Variants in FARP2 observed in about 807,000 individuals in gnomAD.
The protein encoded by FARP2 is FERM, ARH/RhoGEF and pleckstrin domain protein 2, also known as FERM, ARHGEF and pleckstrin domain-containing protein 2.
A neutral mutation model predicts 130.5 loss-of-function variants in FARP2; 111 were observed. That is an observed-to-expected ratio of 0.85 (90% CI 0.73 to 1.00). FARP2 has a LOEUF of 1.00. Among genes scored for constraint, FARP2 ranks in the 50% least tolerant of loss-of-function variants. The pLI, the probability that FARP2 is intolerant of heterozygous loss-of-function variation, is 0.00. For missense variants in FARP2, 1,385 were observed against 1,346.3 expected (o/e 1.03, Z -0.45); for synonymous variants, 504 against 516.9 (o/e 0.98, Z 0.34).
chr2:241,382,687 ATGT>A (rs1427851800), intron 2 of FARP2, among the ~76,000 whole-genome samples: 3 of 152,200 alleles, frequency 2.0e-5, no homozygotes, highest in Admixed American at 1.3e-4. Flanking sequence ...TCTTTGATAC[ATGT>A]TGTGAAATTG....
At chr2:241,452,721 A>C (rs890293504) in intron 13 of FARP2, among the ~76,000 whole-genome samples, 3 of 152,056 alleles carry the variant, frequency 2.0e-5, no homozygotes, top group South Asian at 2.1e-4. Flanking sequence ...CAAGTGGAGC[A>C]CCTGAAGTCA....
intron 5 of FARP2, 87 bp from the exon 6 acceptor site, chr2:241,410,946 T>C (rs2062501804): frequency 1.1e-6 from 1 of 935,860 alleles, no homozygotes; most frequent in South Asian, 1.4e-5. Flanking sequence ...CCAGGGCTCA[T>C]TTGCTGTCTT....
At chr2:241,378,944 T>C (rs1290906942) in intron 2 of FARP2, among the ~76,000 whole-genome samples, 1 of 152,252 alleles carries the variant, frequency 6.6e-6, no homozygotes, top group African/African-American at 2.4e-5. Flanking sequence ...CATAGAAATC[T>C]GGCCTCAGCT....
intron 1 of FARP2, among the ~76,000 whole-genome samples, chr2:241,368,225 T>C (rs1188734138): frequency 6.6e-6 from 1 of 152,138 alleles, no homozygotes. Flanking sequence ...CAGAAATGTT[T>C]TTAGGAATGA....
chr2:241,385,894 A>G (rs911300428), intron 2 of FARP2, among the ~76,000 whole-genome samples: 8 of 152,212 alleles, frequency 5.3e-5, no homozygotes, highest in African/African-American at 1.4e-4. Context: ...TTTTGATTAC[A>G]TAAGTACTGA....
chr2:241,471,645 C>A (rs2064311701), intron 18 of FARP2, among the ~76,000 whole-genome samples: 1 of 151,844 alleles, frequency 6.6e-6, no homozygotes, highest in Non-Finnish European at 1.5e-5. Context: ...AGGCGCCCGA[C>A]ACCACGCCTG....
At chr2:241,382,637 A>C (rs1262091286) in intron 2 of FARP2, among the ~76,000 whole-genome samples, 3 of 152,214 alleles carry the variant, frequency 2.0e-5, no homozygotes, top group Non-Finnish European at 4.4e-5. Flanking sequence ...AACGTATAGA[A>C]GTGGAGGTTC....
rs1182371596 is a variant in FARP2, at chr2:241,466,700, C to T, written c.1894-1440C>T. ...CTCCCCTTCCAACCACCCCCCCCCC[C>T]ACCACCACCACCCGTACCCTCCTAG... is the stretch of plus-strand genomic sequence containing the variant. On this transcript the variant is annotated intron_variant, in intron 17 of 26. Transcript: ENST00000264042. 2.6e-4 allele frequency: 150 copies of T among 586,288 alleles called. 2 individuals are homozygous for T. Among genetic ancestry groups the T allele is most frequent in the African/African-American group, 2.3e-3 (111 of 47,906 alleles). 36.3% of individuals were successfully genotyped at this position (586,288 alleles called of 1,614,324 possible). A position where few individuals can be genotyped will look rare whatever the true frequency, so the allele number is the denominator to read the frequency against.
intron 2 of FARP2, among the ~76,000 whole-genome samples, chr2:241,381,812 G>A (rs111233874): frequency 1.8e-4 from 27 of 152,290 alleles, no homozygotes; most frequent in African/African-American, 6.5e-4. Flanking sequence ...GTTCACAGTG[G>A]TTTAACACTT....
chr2:241,463,292 C>T, intron 15 of FARP2, 43 bp from the exon 16 acceptor site: 2 of 1,598,708 alleles, frequency 1.3e-6, no homozygotes, highest in Non-Finnish European at 1.7e-6. Context: ...TCTCAGTCCC[C>T]AACAAGAGCC....
At chr2:241,386,344 C>T (rs1467213885) in intron 2 of FARP2, among the ~76,000 whole-genome samples, 5 of 152,176 alleles carry the variant, frequency 3.3e-5, no homozygotes, top group South Asian at 2.1e-4. Flanking sequence ...AGTGATCCTC[C>T]GGCCTGATTC....
intron 13 of FARP2, 75 bp downstream of exon 13, chr2:241,441,631 C>T (rs576368630): frequency 6.2e-7 from 1 of 1,602,084 alleles, no homozygotes; most frequent in Non-Finnish European, 8.5e-7. Context: ...TGCCTTAGAC[C>T]TAGACACAGG....
chr2:241,410,642 C>T (rs1252996572), intron 5 of FARP2, among the ~76,000 whole-genome samples: 1 of 152,098 alleles, frequency 6.6e-6, no homozygotes, highest in Non-Finnish European at 1.5e-5. Flanking sequence ...GTTGGTCAGG[C>T]TGGTCTCGAA....
At chr2:241,451,638 G>A (rs879854267) in intron 13 of FARP2, among the ~76,000 whole-genome samples, 4 of 152,188 alleles carry the variant, frequency 2.6e-5, no homozygotes, top group East Asian at 1.9e-4. Context: ...AGATGACCTC[G>A]GATTTAGAGT....
intron 12 of FARP2, 88 bp downstream of exon 12, chr2:241,436,626 T>A: frequency 1.9e-6 from 2 of 1,050,510 alleles, no homozygotes; most frequent in Non-Finnish European, 3.0e-6. Context: ...ACAAGAGTCT[T>A]AAAATTAATC....
chr2:241,440,615 A>T (rs2063357171), intron 12 of FARP2, among the ~76,000 whole-genome samples: 2 of 152,144 alleles, frequency 1.3e-5, no homozygotes, highest in South Asian at 4.1e-4. Flanking sequence ...CCTTACATGT[A>T]TGAGTGGATT....
At position 241,453,768 on chromosome 2, in the gene FARP2, G is replaced by GTTTTTTTTTTTTTTTTTTTTTT. The variant is rs1559786201; in HGVS notation, c.1412-2979_1412-2978insTTTTTTTTTTTTTTTTTTTTTT. 6.0e-5 allele frequency among the ~76,000 whole-genome samples: 6 copies of GTTTTTTTTTTTTTTTTTTTTTT among 99,896 alleles called. 2 individuals are homozygous for GTTTTTTTTTTTTTTTTTTTTTT. Among genetic ancestry groups the GTTTTTTTTTTTTTTTTTTTTTT allele is most frequent in the Admixed American group, 2.6e-4 (2 of 7,826 alleles). The allele number at this position is 99,896 out of a possible 152,430, so 65.5% of individuals were successfully genotyped here. ...TTGTTTACTGGGAGTGGCACTTACT[G>GTTTTTTTTTTTTTTTTTTTTTT]GTTTTTTTTTTTTTTTTTTTTTTTT... On this transcript the variant is annotated intron_variant, in intron 13 of 26. Transcript: ENST00000264042.
At chr2:241,427,072 T>C (rs754971389) in intron 8 of FARP2, among the ~76,000 whole-genome samples, 11 of 152,006 alleles carry the variant, frequency 7.2e-5, no homozygotes, top group South Asian at 2.1e-4. Context: ...CCATCTCTAC[T>C]AAAAATACAA....
rs928218987 is a variant in FARP2, at chr2:241,356,314, C to T, written c.-99C>T. The T allele has an allele frequency of 6.6e-6, 1 of 152,354 alleles. No individual in the cohort carries two copies. The highest frequency in any genetic ancestry group is 1.5e-5 in the Non-Finnish European group (1 of 68,046). 9.4% of individuals were successfully genotyped at this position (152,354 alleles called of 1,614,324 possible). ...GGGAGCAGGCGACGCCGACGCGAGT[C>T]TGGCGGCTGCTGCTTGCGACTGCGG... On this transcript the variant is annotated 5_prime_UTR_variant, in exon 1 of 27. Transcript: ENST00000264042.
Sources: allele counts gnomAD v4.1 joint callset (sites outside exome capture counted in the v4.1 genomes callset), GRCh38; gene constraint gnomAD v4.1.1; transcripts MANE v1.5; gene names NCBI Gene and HGNC (gene_info 2026-07-23, HGNC 2026-07-21).